The following LINGO2 variants were observed in gnomAD, a reference collection of about 807,000 sequenced individuals.
LINGO2 encodes leucine-rich repeat and immunoglobulin-like domain-containing nogo receptor-interacting protein 2.
LINGO2 carries 14 observed loss-of-function variants against 30.6 expected under a neutral mutation model. The ratio of observed to expected loss-of-function variants is 0.46; its 90% CI spans 0.30 to 0.72. LINGO2 has a LOEUF of 0.72. LINGO2 is among the 30% of genes least tolerant of loss of function. The probability of loss-of-function intolerance (pLI) is 0.07; values close to 1 mark genes in which losing one functional copy is unlikely to be tolerated. For synonymous variants in LINGO2, 317 were observed against 288.5 expected, an observed-to-expected ratio of 1.10 and a Z score of -1.00; for missense variants, 729 against 751.7, an observed-to-expected ratio of 0.97 and a Z score of 0.35.
intron 2 of LINGO2, among the ~76,000 whole-genome samples, chr9:28,380,353 T>C (rs1821301847): frequency 6.7e-6 from 1 of 150,040 alleles, no homozygotes; most frequent in East Asian, 2.0e-4. Flanking sequence ...GAGGACATCG[T>C]AGAGGGGAGT....
intron 2 of LINGO2, among the ~76,000 whole-genome samples, chr9:28,470,958 C>A (rs1387491246): frequency 2.0e-5 from 3 of 147,726 alleles, no homozygotes. Flanking sequence ...ACATAATTTT[C>A]TTTATATATG....
intron 1 of LINGO2, among the ~76,000 whole-genome samples, chr9:28,531,323 G>A (rs991749396): frequency 1.3e-5 from 2 of 151,878 alleles, no homozygotes; most frequent in African/African-American, 2.4e-5. Context: ...AATCTCGGGA[G>A]CATTAAGGCA....
At chr9:28,944,190 A>G in the LINGO2 span, among the ~76,000 whole-genome samples, 3 of 152,188 alleles carry the variant, frequency 2.0e-5, no homozygotes, top group Non-Finnish European at 1.5e-5. Flanking sequence ...ATCTCATTCC[A>G]TATCTAATTT....
At chr9:29,010,622 T>C in the LINGO2 span, among the ~76,000 whole-genome samples, 11 of 152,230 alleles carry the variant, frequency 7.2e-5, no homozygotes, top group African/African-American at 2.4e-4. Flanking sequence ...CAATTTTTTT[T>C]ACTGAACTTC....
At chr9:28,177,180 C>G (rs1046448343) in intron 4 of LINGO2, among the ~76,000 whole-genome samples, 1 of 152,106 alleles carries the variant, frequency 6.6e-6, no homozygotes, top group Non-Finnish European at 1.5e-5. Flanking sequence ...TCCTACTATG[C>G]TGTACATTTG....
the LINGO2 span, among the ~76,000 whole-genome samples, chr9:28,734,548 T>G: frequency 1.3e-5 from 2 of 152,142 alleles, no homozygotes; most frequent in African/African-American, 4.8e-5. Context: ...CGTAAGTCAC[T>G]TTCCCAAGGT....
the LINGO2 span, among the ~76,000 whole-genome samples, chr9:29,115,785 C>A: frequency 6.6e-6 from 1 of 151,922 alleles, no homozygotes; most frequent in Non-Finnish European, 1.5e-5. Flanking sequence ...AATCAATTTT[C>A]TTGGAAACAC....
the LINGO2 span, among the ~76,000 whole-genome samples, chr9:29,178,834 C>T: frequency 6.6e-6 from 1 of 151,922 alleles, no homozygotes; most frequent in Non-Finnish European, 1.5e-5. Context: ...CAATTAAAAA[C>T]CAGAGGAGCT....
chr9:28,504,474 T>C (rs1291723950), intron 1 of LINGO2, among the ~76,000 whole-genome samples: 3 of 151,798 alleles, frequency 2.0e-5, no homozygotes, highest in African/African-American at 4.8e-5. Flanking sequence ...GGCTTCTAAA[T>C]TGGGATGATA....
intron 4 of LINGO2, among the ~76,000 whole-genome samples, chr9:28,037,493 G>C (rs150842177): frequency 3.1e-4 from 47 of 152,200 alleles, no homozygotes; most frequent in African/African-American, 1.1e-3. Flanking sequence ...TCTTCTGAGA[G>C]CTCCTCAACA....
the LINGO2 span, among the ~76,000 whole-genome samples, chr9:28,877,630 T>C: frequency 6.6e-6 from 1 of 152,198 alleles, no homozygotes; most frequent in African/African-American, 2.4e-5. Flanking sequence ...TTGGTACCAG[T>C]ACCATGCTGT....
chr9:29,170,593 T>TA, the LINGO2 span, among the ~76,000 whole-genome samples: 80 of 151,794 alleles, frequency 5.3e-4, no homozygotes, highest in Admixed American at 1.2e-3. Flanking sequence ...CTATAAAAAT[T>TA]AAAAAAAGAA....
At chr9:28,755,646 C>A in the LINGO2 span, among the ~76,000 whole-genome samples, 6 of 152,084 alleles carry the variant, frequency 3.9e-5, no homozygotes, top group Non-Finnish European at 8.8e-5. Flanking sequence ...GAGATGTCAT[C>A]ATGGCTTCCG....
chr9:28,747,405 G>T, the LINGO2 span, among the ~76,000 whole-genome samples: 3 of 151,998 alleles, frequency 2.0e-5, no homozygotes, highest in African/African-American at 7.3e-5. Context: ...TCAAGTCCGT[G>T]CATGACCGGA....
At chr9:27,964,931 C>T (rs1820023965) in intron 5 of LINGO2, among the ~76,000 whole-genome samples, 1 of 152,056 alleles carries the variant, frequency 6.6e-6, no homozygotes, top group Admixed American at 6.6e-5. Flanking sequence ...ATGTTGCCTT[C>T]AACGGCATGG....
chr9:28,178,928 CTA>C (rs1828822308), intron 4 of LINGO2, among the ~76,000 whole-genome samples: 1 of 152,074 alleles, frequency 6.6e-6, no homozygotes, highest in Non-Finnish European at 1.5e-5. Flanking sequence ...TTTTCTGAAT[CTA>C]TGCTCCATTG....
chr9:28,753,440 C>A, the LINGO2 span, among the ~76,000 whole-genome samples: 2 of 152,026 alleles, frequency 1.3e-5, no homozygotes, highest in African/African-American at 4.8e-5. Context: ...AGCAAATTAG[C>A]TACTCTCTTC....
At chr9:29,029,521 C>G in the LINGO2 span, among the ~76,000 whole-genome samples, 3 of 152,078 alleles carry the variant, frequency 2.0e-5, no homozygotes, top group Middle Eastern at 3.4e-3. Context: ...TATGTAATCC[C>G]CAGAAACCCA....
intron 2 of LINGO2, among the ~76,000 whole-genome samples, chr9:28,373,848 C>A (rs892734685): frequency 1.4e-5 from 2 of 146,304 alleles, no homozygotes; most frequent in East Asian, 4.0e-4. Context: ...TGCAGTGAGC[C>A]AAGATCAGGC....
Sources: allele counts gnomAD v4.1 joint callset (sites outside exome capture counted in the v4.1 genomes callset), GRCh38; gene constraint gnomAD v4.1.1; transcripts MANE v1.5; gene names NCBI Gene and HGNC (gene_info 2026-07-23, HGNC 2026-07-21).